The following IMMP2L variants were observed in gnomAD, a reference collection of about 807,000 sequenced individuals.
The protein encoded by IMMP2L is mitochondrial inner membrane protease subunit 2.
A neutral mutation model predicts 19.3 loss-of-function variants in IMMP2L; 18 were observed. That is an observed-to-expected ratio of 0.93 (90% CI 0.64 to 1.38). The LOEUF is 1.38. Among genes scored for constraint, IMMP2L ranks in the 40% most tolerant of loss-of-function variants. The pLI is 0.00. For missense variants in IMMP2L, 233 were observed against 218.2 expected (o/e 1.07, Z -0.43); for synonymous variants, 76 against 73.0 (o/e 1.04, Z -0.21).
chr7:111,338,506 C>T (rs984979349), intron 3 of IMMP2L, among the ~76,000 whole-genome samples: 6 of 151,948 alleles, frequency 3.9e-5, no homozygotes, highest in Non-Finnish European at 5.9e-5. Flanking sequence ...ATAAATCAAA[C>T]AATCATATAT....
chr7:111,252,455 T>G (rs1192365731), intron 3 of IMMP2L, among the ~76,000 whole-genome samples: 1 of 152,048 alleles, frequency 6.6e-6, no homozygotes, highest in Non-Finnish European at 1.5e-5. Flanking sequence ...GTACCCTAAA[T>G]ATTGTCATAA....
At chr7:110,679,861 C>T (rs1408775599) in intron 5 of IMMP2L, among the ~76,000 whole-genome samples, 1 of 152,184 alleles carries the variant, frequency 6.6e-6, no homozygotes, top group Non-Finnish European at 1.5e-5. Context: ...CTGTGACTAG[C>T]ACCATATCTG....
chr7:111,268,155 A>G (rs1427795876), intron 3 of IMMP2L, among the ~76,000 whole-genome samples: 1 of 152,144 alleles, frequency 6.6e-6, no homozygotes, highest in African/African-American at 2.4e-5. Context: ...TTCTACCATT[A>G]GAGATTTATC....
At chr7:111,336,700 G>T (rs969267039) in intron 3 of IMMP2L, among the ~76,000 whole-genome samples, 1 of 151,846 alleles carries the variant, frequency 6.6e-6, no homozygotes, top group Non-Finnish European at 1.5e-5. Flanking sequence ...CTCAATGAAA[G>T]TTCTCTCTTC....
chr7:111,220,670 C>G (rs1275622052), intron 3 of IMMP2L, among the ~76,000 whole-genome samples: 1 of 151,800 alleles, frequency 6.6e-6, no homozygotes, highest in East Asian at 1.9e-4. Context: ...TAGATATACA[C>G]ACACATATAT....
At chr7:110,968,212 T>A (rs1819761021) in intron 3 of IMMP2L, among the ~76,000 whole-genome samples, 1 of 151,740 alleles carries the variant, frequency 6.6e-6, no homozygotes, top group Non-Finnish European at 1.5e-5. Flanking sequence ...CCTAAACCAG[T>A]GGCCAGACCA....
intron 5 of IMMP2L, among the ~76,000 whole-genome samples, chr7:110,690,060 T>G (rs1469044175): frequency 1.3e-5 from 2 of 152,212 alleles, no homozygotes; most frequent in Non-Finnish European, 2.9e-5. Context: ...AGTTTGCTGC[T>G]TAGCCTTTCA....
At chr7:110,675,044 C>T (rs1178846817) in intron 5 of IMMP2L, among the ~76,000 whole-genome samples, 1 of 152,130 alleles carries the variant, frequency 6.6e-6, no homozygotes, top group East Asian at 1.9e-4. Flanking sequence ...TCCAGTTCTA[C>T]CCAATATAAA....
intron 2 of IMMP2L, among the ~76,000 whole-genome samples, chr7:111,499,748 TCCC>T (rs1843973732): frequency 6.6e-6 from 1 of 152,162 alleles, no homozygotes; most frequent in Admixed American, 6.5e-5. Context: ...CTGGAATGGT[TCCC>T]TAATTTATTG....
At chr7:111,561,029 GTTAT>G (rs1229190068) in intron 1 of IMMP2L, among the ~76,000 whole-genome samples, 1 of 152,122 alleles carries the variant, frequency 6.6e-6, no homozygotes, top group Non-Finnish European at 1.5e-5. Context: ...ATTTAAAACG[GTTAT>G]TTATATGTGA....
chr7:111,544,067 C>G (rs1409129364), intron 1 of IMMP2L, among the ~76,000 whole-genome samples: 1 of 152,034 alleles, frequency 6.6e-6, no homozygotes, highest in East Asian at 1.9e-4. Context: ...AAGTATGGCT[C>G]TAAAAAAGGA....
intron 5 of IMMP2L, among the ~76,000 whole-genome samples, chr7:110,752,420 CT>C: frequency 6.6e-6 from 1 of 152,040 alleles, no homozygotes; most frequent in East Asian, 1.9e-4. Flanking sequence ...TTATGAGACA[CT>C]ATAATTACCA....
intron 3 of IMMP2L, among the ~76,000 whole-genome samples, chr7:111,154,043 ATTGC>A (rs1294244416): frequency 6.6e-6 from 1 of 152,098 alleles, no homozygotes; most frequent in Admixed American, 6.6e-5. Flanking sequence ...CTCCTGTATC[ATTGC>A]TTTTTTCTTT....
In IMMP2L at chr7:111,087,220, C is replaced by T. The variant is rs1002103618; in HGVS notation, c.240-123655G>A. On this transcript the variant is annotated intron_variant, in intron 3 of 5. Coordinates refer to ENST00000405709, the MANE Select transcript of IMMP2L (RefSeq NM_032549.4). ...ATCTCAGCACTTTGGGAGGCTGTGG[C>T]GGGCTGATCACGAGGTCAGGAGATC... Among the ~76,000 whole-genome samples, 19 of 152,132 alleles carry T rather than the reference C, an allele frequency of 1.2e-4. No individual in the cohort carries two copies. The East Asian group carries it at 2.1e-3, about 17-fold the overall frequency.
At chr7:110,739,732 C>A (rs1036426624) in intron 5 of IMMP2L, among the ~76,000 whole-genome samples, 1 of 152,236 alleles carries the variant, frequency 6.6e-6, no homozygotes, top group South Asian at 2.1e-4. Context: ...ATTTACAGAA[C>A]ATTCTACCCA....
intron 5 of IMMP2L, among the ~76,000 whole-genome samples, chr7:110,705,341 A>C (rs1794581794): frequency 6.6e-6 from 1 of 152,132 alleles, no homozygotes; most frequent in Non-Finnish European, 1.5e-5. Flanking sequence ...CAGACCAAAA[A>C]ACAATGTGCA....
chr7:110,964,244 G>A (rs1286183536), intron 3 of IMMP2L, among the ~76,000 whole-genome samples: 1 of 151,952 alleles, frequency 6.6e-6, no homozygotes, highest in East Asian at 1.9e-4. Flanking sequence ...ACTAACACAA[G>A]TACTTAGAGG....
chr7:111,067,930 T>A (rs1354055311), intron 3 of IMMP2L, among the ~76,000 whole-genome samples: 1 of 152,054 alleles, frequency 6.6e-6, no homozygotes, highest in African/African-American at 2.4e-5. Flanking sequence ...AGATTAAGGA[T>A]GTGGGGAGAA....
chr7:110,934,463 CT>C (rs1024308197), intron 4 of IMMP2L, among the ~76,000 whole-genome samples: 2 of 152,004 alleles, frequency 1.3e-5, no homozygotes, highest in African/African-American at 4.8e-5. Context: ...TCAAATCTTA[CT>C]CCATGGATAA....
Sources: gnomAD v4.1 joint callset for allele counts (sites outside exome capture counted in the v4.1 genomes callset) on GRCh38, gnomAD v4.1.1 for gene constraint, MANE v1.5 for transcripts, NCBI Gene and HGNC (gene_info 2026-07-23, HGNC 2026-07-21) for gene names.